The following PKD1L3 variants were observed in gnomAD, a reference collection of about 807,000 sequenced individuals.
PKD1L3 encodes polycystin-1-like protein 3.
In PKD1L3, 239 loss-of-function variants were observed where a neutral mutation model predicts 184.1. The ratio of observed to expected loss-of-function variants is 1.30; its 90% CI spans 1.17 to 1.45. PKD1L3 has a LOEUF of 1.45. PKD1L3 is among the 40% of genes most tolerant of loss of function. The probability of loss-of-function intolerance (pLI) is 0.00; values close to 1 mark genes in which losing one functional copy is unlikely to be tolerated. For synonymous variants in PKD1L3, 996 were observed against 778.8 expected (o/e 1.28, Z -4.64); for missense variants, 2,660 against 2,067.2 (o/e 1.29, Z -5.56).
intron 15 of PKD1L3, among the ~76,000 whole-genome samples, chr16:71,964,260 C>T (rs1212364632): frequency 6.8e-6 from 1 of 146,826 alleles, no homozygotes; most frequent in Non-Finnish European, 1.5e-5. Context: ...CTATTTTCCC[C>T]AAGGGTCTGT....
At chr16:71,979,686 T>C in intron 9 of PKD1L3, 100 bp downstream of exon 9, 1 of 1,354,224 alleles carries the variant, frequency 7.4e-7, no homozygotes, top group Admixed American at 3.3e-5. Flanking sequence ...TCTGATCTGG[T>C]CTGTTCAGTT....
chr16:71,986,502 G>T, intron 4 of PKD1L3, 33 bp from the exon 5 acceptor site: 1 of 1,530,172 alleles, frequency 6.5e-7, no homozygotes, highest in African/African-American at 1.4e-5. Context: ...GGAAAAGACT[G>T]AATCTGATTT....
chr16:71,952,696 C>T (rs902928384), intron 18 of PKD1L3, among the ~76,000 whole-genome samples, 198 bp downstream of exon 18: 4 of 151,096 alleles, frequency 2.6e-5, no homozygotes, highest in Non-Finnish European at 4.4e-5. Flanking sequence ...ATTAGCCAGA[C>T]ATGGTGTCAC....
At chr16:71,931,576 T>G (rs1289668409) in intron 28 of PKD1L3, among the ~76,000 whole-genome samples, 4 of 148,076 alleles carry the variant, frequency 2.7e-5, no homozygotes, top group Non-Finnish European at 1.5e-5. Flanking sequence ...GCGATTCTCC[T>G]CAGTCAGTCT....
rs751650620 is a variant in PKD1L3 at position 71,933,496 on chromosome 16, A to T, written c.4850T>A (p.Ile1617Asn). 2 of 1,551,768 alleles carry T rather than the reference A, an allele frequency of 1.3e-6. No individual in the cohort carries two copies. Among genetic ancestry groups the T allele is most frequent in the South Asian group, 2.4e-5 (2 of 84,060 alleles). The change falls in exon 28 of 30, where the codon ATC (isoleucine) becomes AAC (asparagine). Residue 1617 changes from isoleucine (I) to asparagine (N), a missense_variant. Physicochemically the swap from Ile to Asn is moderately radical, Grantham distance 149. Coordinates refer to ENST00000620267, the MANE Select transcript of PKD1L3 (RefSeq NM_181536.2). ...GCTGAAAAATGTCCGGTAGTCAGAGATGCTGCATCCAAACAGCAGGTTAAA... is the reference window on the plus strand; with the variant it reads ...GCTGAAAAATGTCCGGTAGTCAGAGTTGCTGCATCCAAACAGCAGGTTAAA... ...IAFNLLFGCS[I>N]SDYRTFFSSA... is the part of the protein sequence containing the mutation.
At chr16:71,947,619 G>T in intron 21 of PKD1L3, 28 bp from the exon 22 acceptor site, 1 of 1,421,470 alleles carries the variant, frequency 7.0e-7, no homozygotes, top group Non-Finnish European at 9.7e-7. Flanking sequence ...AGAACATCGT[G>T]AGCAGACATT....
intron 22 of PKD1L3, among the ~76,000 whole-genome samples, chr16:71,946,776 G>A (rs2038618144): frequency 8.3e-6 from 1 of 120,216 alleles, no homozygotes; most frequent in South Asian, 3.2e-4. Context: ...CTCCAGATAG[G>A]GAGCAGTGGA....
chr16:71,971,466 G>T (rs2039706071), intron 12 of PKD1L3, among the ~76,000 whole-genome samples: 1 of 152,174 alleles, frequency 6.6e-6, no homozygotes, highest in South Asian at 2.1e-4. Context: ...AATCTAGTCT[G>T]CCTTTGGAAG....
intron 16 of PKD1L3, among the ~76,000 whole-genome samples, chr16:71,954,863 A>T (rs943255899): frequency 6.6e-6 from 1 of 152,204 alleles, no homozygotes; most frequent in Non-Finnish European, 1.5e-5. Context: ...AGGTAGTACA[A>T]AAGTGGGAGT....
chr16:71,963,431 T>C, intron 15 of PKD1L3, 80 bp from the exon 16 acceptor site: 2 of 1,349,492 alleles, frequency 1.5e-6, no homozygotes, highest in East Asian at 2.6e-5. Flanking sequence ...CTCAGACCAT[T>C]AGTAAACTGT....
At chr16:71,945,313 C>CGT (rs2038546096) in intron 22 of PKD1L3, among the ~76,000 whole-genome samples, 3 of 48,048 alleles carry the variant, frequency 6.2e-5, no homozygotes, top group Non-Finnish European at 8.4e-5. Flanking sequence ...TATACACACA[C>CGT]ACACACACAT....
intron 16 of PKD1L3, among the ~76,000 whole-genome samples, chr16:71,955,737 A>C (rs1322564731): frequency 2.6e-5 from 4 of 152,134 alleles, no homozygotes; most frequent in Non-Finnish European, 5.9e-5. Flanking sequence ...GAGATAACTG[A>C]ATCATGGGGT....
intron 19 of PKD1L3, 26 bp downstream of exon 19, chr16:71,951,538 C>G: frequency 1.3e-6 from 2 of 1,531,852 alleles, no homozygotes; most frequent in Non-Finnish European, 1.8e-6. Context: ...ATGGAAGATT[C>G]GTTACTGAAA....
At chr16:71,986,493 GA>G (rs2040371659) in intron 4 of PKD1L3, 24 bp from the exon 5 acceptor site, 1 of 1,537,834 alleles carries the variant, frequency 6.5e-7, no homozygotes, top group East Asian at 2.5e-5. Flanking sequence ...ATATGTAAAG[GA>G]AAAGACTGAA....
chr16:71,972,243 A>T (rs537580272), intron 12 of PKD1L3, among the ~76,000 whole-genome samples: 1 of 150,902 alleles, frequency 6.6e-6, no homozygotes, highest in Non-Finnish European at 1.5e-5. Context: ...ACAAAAAAAA[A>T]CAATAATTAG....
chr16:71,933,328 G>T, intron 28 of PKD1L3, 92 bp downstream of exon 28: 1 of 901,850 alleles, frequency 1.1e-6, no homozygotes, highest in South Asian at 1.4e-5. Flanking sequence ...CCAGTGTGCA[G>T]TGTACAGTAG....
In PKD1L3 at chr16:71,950,305, G is replaced by A. The variant is rs1053585035; in HGVS notation, c.3196C>T (p.Pro1066Ser). 4 of 1,517,770 alleles carry A rather than the reference G, an allele frequency of 2.6e-6. No individual in the cohort carries two copies. The highest frequency in any genetic ancestry group is 3.5e-6 in the Non-Finnish European group (4 of 1,128,456). The allele number at this position is 1,517,770 out of a possible 1,614,324, so 94.0% of individuals were successfully genotyped here. ...QGERHWARVV[P>S]ENHHHFCCYL... ...CAGCAGAAATGATGGTGGTTTTCAGGAACAACTGAAAATATATTTCAAGTT... is the reference window on the plus strand; with the variant it reads ...CAGCAGAAATGATGGTGGTTTTCAGAAACAACTGAAAATATATTTCAAGTT... Residue 1066 changes from proline (P) to serine (S), a missense_variant, in exon 20 of 30, where the codon CCT becomes TCT. Physicochemically the swap from Pro to Ser is moderately conservative, Grantham distance 74 (BLOSUM62 -1). Transcript: ENST00000620267.
chr16:71,941,444 G>A (rs1339578499), intron 24 of PKD1L3, among the ~76,000 whole-genome samples: 2 of 151,866 alleles, frequency 1.3e-5, no homozygotes, highest in African/African-American at 4.8e-5. Flanking sequence ...CAGAACTCCA[G>A]GAGTTACAAT....
intron 21 of PKD1L3, among the ~76,000 whole-genome samples, chr16:71,948,003 G>A (rs926614893): frequency 3.3e-5 from 5 of 150,278 alleles, no homozygotes; most frequent in Non-Finnish European, 5.9e-5. Flanking sequence ...TGCAACCTCC[G>A]CTTCCTGGGT....
Sources: allele counts gnomAD v4.1 joint callset (sites outside exome capture counted in the v4.1 genomes callset), GRCh38; gene constraint gnomAD v4.1.1; transcripts MANE v1.5; gene names NCBI Gene and HGNC (gene_info 2026-07-23, HGNC 2026-07-21).